Variants in RPF2 observed in about 807,000 individuals in gnomAD.
RPF2 encodes the protein brix domain containing 1.
Under a neutral mutation model 38.9 loss-of-function variants are expected in RPF2, and 21 were observed. The observed-to-expected ratio is 0.54, with a 90% confidence interval of 0.38 to 0.78. The LOEUF (loss-of-function observed/expected upper bound fraction) is 0.78, where lower values mean the gene tolerates loss of function less well. RPF2 is among the 30% of genes least tolerant of loss of function. RPF2 has a pLI of 0.00. For missense variants in RPF2, 314 were observed against 358.1 expected (o/e 0.88, Z 0.99); for synonymous variants, 121 against 126.2 (o/e 0.96, Z 0.28).
chr6:110,999,591 G>A (rs3763195), intron 5 of RPF2, 120 bp from the exon 6 acceptor site: 98,173 of 563,790 alleles, frequency 0.17, 9,198 homozygotes, highest in South Asian at 0.26. Flanking sequence ...ATATGTTTGC[G>A]GGGGTATAGG....
chr6:110,998,690 C>T lies in RPF2; in HGVS notation c.317-1021C>T, dbSNP rs578221174. Among the ~76,000 whole-genome samples the T allele has an allele frequency of 7.9e-5, 12 of 152,198 alleles. No individual in the cohort carries two copies. The South Asian group carries it at 8.3e-4, about 11-fold the overall frequency. ...GGACAGGAGAGGCTGCCCACTCACCCGACCCCAACCAGGAATGTCAGGCGA... is the reference window on the plus strand; with the variant it reads ...GGACAGGAGAGGCTGCCCACTCACCTGACCCCAACCAGGAATGTCAGGCGA... On this transcript the variant is annotated intron_variant, in intron 5 of 9. Transcript: ENST00000441448.
intron 5 of RPF2, among the ~76,000 whole-genome samples, chr6:110,997,728 AG>A (rs1771741388): frequency 6.6e-6 from 1 of 151,448 alleles, no homozygotes; most frequent in Admixed American, 6.6e-5. Flanking sequence ...GGAAAAAAAA[AG>A]TTATAGAGCA....
chr6:111,023,784 G>A (rs1268819897), intron 8 of RPF2, among the ~76,000 whole-genome samples: 1 of 152,034 alleles, frequency 6.6e-6, no homozygotes, highest in Non-Finnish European at 1.5e-5. Flanking sequence ...TCAGGAGAGC[G>A]AGACCATCCT....
chr6:110,994,966 G>T (rs1247477709), intron 4 of RPF2, among the ~76,000 whole-genome samples: 1 of 151,886 alleles, frequency 6.6e-6, no homozygotes, highest in Non-Finnish European at 1.5e-5. Flanking sequence ...GTGCTATGGC[G>T]CCATCTCAGC....
chr6:111,018,311 CCA>C (rs1404800309), intron 8 of RPF2, among the ~76,000 whole-genome samples: 1 of 152,054 alleles, frequency 6.6e-6, no homozygotes, highest in Non-Finnish European at 1.5e-5. Context: ...CTGACAGAGC[CCA>C]CAGTTTCCTA....
At chr6:111,001,404 G>C (rs189820262) in intron 6 of RPF2, among the ~76,000 whole-genome samples, 1 of 151,878 alleles carries the variant, frequency 6.6e-6, no homozygotes. Flanking sequence ...TCGAGACAGG[G>C]TCTTGCTCTG....
chr6:111,015,899 G>C (rs1772100471), intron 8 of RPF2, 43 bp downstream of exon 8: 6 of 1,421,696 alleles, frequency 4.2e-6, no homozygotes, highest in Non-Finnish European at 5.0e-6. Flanking sequence ...CTCAGGGTTA[G>C]TGTTTAAAAC....
At chr6:111,022,149 A>T (rs1772245038) in intron 8 of RPF2, among the ~76,000 whole-genome samples, 1 of 152,228 alleles carries the variant, frequency 6.6e-6, no homozygotes, top group Non-Finnish European at 1.5e-5. Context: ...TATGGGGGGA[A>T]ATATGCAAAA....
chr6:111,018,942 A>G (rs1228771881), intron 8 of RPF2, among the ~76,000 whole-genome samples: 2 of 152,320 alleles, frequency 1.3e-5, no homozygotes, highest in East Asian at 3.9e-4. Context: ...CAGGACGGAC[A>G]TGGTGGCTCA....
rs1239096068 is a variant in RPF2 at position 111,027,655 on chromosome 6, T to C, written c.*2073T>C. ...GGCCATGATTTCTGTATGTGAGACG[T>C]CTTAAGGGTGTTTTTGTTTGTTTTA... On this transcript the variant is annotated 3_prime_UTR_variant, in exon 10 of 10. Coordinates refer to ENST00000441448, the MANE Select transcript of RPF2 (RefSeq NM_032194.3). 6.6e-6 allele frequency: 1 copy of C among 152,218 alleles called. No homozygotes were observed. The highest frequency in any genetic ancestry group is 1.5e-5 in the Non-Finnish European group (1 of 68,030). 9.4% of individuals were successfully genotyped at this position (152,218 alleles called of 1,614,324 possible).
intron 2 of RPF2, among the ~76,000 whole-genome samples, chr6:110,985,384 T>G (rs1052916512): frequency 2.0e-5 from 3 of 152,174 alleles, no homozygotes; most frequent in African/African-American, 7.2e-5. Flanking sequence ...AGAGTGAAGG[T>G]CTCCCTTAGT....
chr6:110,982,656 A>T (rs939284896), intron 1 of RPF2, among the ~76,000 whole-genome samples: 22 of 152,044 alleles, frequency 1.4e-4, no homozygotes, highest in African/African-American at 4.6e-4. Context: ...TTTCCTTCCA[A>T]CTTTGTACAC....
rs1583259557 is a variant in RPF2, at chr6:110,990,624, A to G, written c.195-1123A>G. On this transcript the variant is annotated intron_variant, in intron 3 of 9. Coordinates refer to ENST00000441448, the MANE Select transcript of RPF2 (RefSeq NM_032194.3). ...GTATGAGACGGAGTCTCACTCTTTC[A>G]CCCAGCCTGGAGTGCAGTGGTGCGA... 5.0e-5 allele frequency among the ~76,000 whole-genome samples: 6 copies of G among 120,596 alleles called. 1 individual carries two copies. Among genetic ancestry groups the G allele is most frequent in the African/African-American group, 1.9e-4 (6 of 31,702 alleles). 79.1% of individuals were successfully genotyped at this position (120,596 alleles called of 152,430 possible). A position where few individuals can be genotyped will look rare whatever the true frequency, so the allele number is the denominator to read the frequency against.
At chr6:110,984,897 G>A in intron 1 of RPF2, 109 bp from the exon 2 acceptor site, 1 of 1,191,116 alleles carries the variant, frequency 8.4e-7, no homozygotes, top group Non-Finnish European at 1.2e-6. Flanking sequence ...TTTAAGGGTG[G>A]AACCCTAAGT....
Position 111,008,086 on chromosome 6 carries a change from G to A in RPF2, c.442G>A (p.Asp148Asn), listed in dbSNP as rs768261550. The A allele has an allele frequency of 2.2e-5, 36 of 1,601,302 alleles. No homozygotes were observed. Among genetic ancestry groups the A allele is most frequent in the Non-Finnish European group, 2.4e-5 (28 of 1,175,530 alleles). ...GTKPMLIFAGDDFDVTEDYRR... is the reference protein window; with the variant it reads ...GTKPMLIFAGNDFDVTEDYRR... ...AAAACCCATGCTGATATTTGCTGGC[G>A]ATGATTTCGATGTAACAGAAGATTA... The change falls in exon 7 of 10, where the codon GAT becomes AAT. Residue 148 changes from aspartate (D) to asparagine (N), a missense_variant. Asp to Asn is a conservative substitution (Grantham distance 23). Coordinates refer to ENST00000441448, the MANE Select transcript of RPF2 (RefSeq NM_032194.3).
intron 4 of RPF2, among the ~76,000 whole-genome samples, chr6:110,993,658 T>G (rs775200092): frequency 7.9e-5 from 12 of 152,204 alleles, no homozygotes; most frequent in East Asian, 1.9e-4. Context: ...TTTAGTCTAG[T>G]GTTGATAAAA....
intron 4 of RPF2, 77 bp from the exon 5 acceptor site, chr6:110,997,106 G>T: frequency 2.1e-6 from 2 of 935,944 alleles, no homozygotes; most frequent in South Asian, 2.8e-5. Context: ...TGGCCTGAAG[G>T]TAAGATTTTT....
chr6:111,009,215 C>T (rs1256400612), intron 7 of RPF2, among the ~76,000 whole-genome samples: 2 of 152,104 alleles, frequency 1.3e-5, no homozygotes, highest in Non-Finnish European at 2.9e-5. Context: ...GCCACCATGC[C>T]CAGCTTATTT....
At chr6:111,011,874 G>C (rs1401235274) in intron 7 of RPF2, among the ~76,000 whole-genome samples, 2 of 152,084 alleles carry the variant, frequency 1.3e-5, no homozygotes, top group African/African-American at 4.8e-5. Flanking sequence ...GGGGAAGGGA[G>C]TGAAAACCAA....
Sources: gnomAD v4.1 joint callset for allele counts (sites outside exome capture counted in the v4.1 genomes callset) on GRCh38, gnomAD v4.1.1 for gene constraint, MANE v1.5 for transcripts, NCBI Gene and HGNC (gene_info 2026-07-23, HGNC 2026-07-21) for gene names.